Variants in IL18 observed in about 807,000 individuals in gnomAD.
IL18 encodes interleukin-18.
In IL18, 8 loss-of-function variants were observed where a neutral mutation model predicts 14.2. That is an observed-to-expected ratio of 0.56 (90% CI 0.33 to 1.01). The LOEUF (loss-of-function observed/expected upper bound fraction) is 1.01. Ranked by LOEUF, IL18 falls within the 50% of genes least tolerant of loss-of-function variation. The probability of loss-of-function intolerance (pLI) is 0.03; values close to 1 mark genes in which losing one functional copy is unlikely to be tolerated. For missense variants in IL18, 166 were observed against 231.1 expected (o/e 0.72, Z 1.83); for synonymous variants, 67 against 71.0 (o/e 0.94, Z 0.28).
chr11:112,143,602 T>C lies in IL18; in HGVS notation c.576A>G (p.Glu192=). 3 of 1,606,184 alleles carry C rather than the reference T, an allele frequency of 1.9e-6. No individual in the cohort carries two copies. The highest frequency in any genetic ancestry group is 2.6e-6 in the Non-Finnish European group (3 of 1,174,550). ...CGGCATGAAATTTTAATAGCTAGTC[T>C]TCGTTTTGAACAGTGAACATTATAG... ...DRSIMFTVQN[E]D is the part of the protein sequence containing the mutation. Residue 192 remains glutamate (E), a synonymous_variant, in exon 6 of 6, where the codon GAA becomes GAG. Coordinates refer to ENST00000280357, the MANE Select transcript of IL18 (RefSeq NM_001562.4).
chr11:112,159,284 A>G (rs1184396240), intron 1 of IL18, among the ~76,000 whole-genome samples: 2 of 152,148 alleles, frequency 1.3e-5, no homozygotes, highest in East Asian at 3.9e-4. Context: ...CTGTGGTTGC[A>G]GTGAAGTGCT....
At chr11:112,158,099 G>A (rs980268749) in intron 1 of IL18, among the ~76,000 whole-genome samples, 1 of 152,046 alleles carries the variant, frequency 6.6e-6, no homozygotes, top group Non-Finnish European at 1.5e-5. Flanking sequence ...TTCCTGCTTC[G>A]GCCTCCCAAA....
At chr11:112,147,024 G>A (rs543882047) in intron 5 of IL18, among the ~76,000 whole-genome samples, 52 of 148,700 alleles carry the variant, frequency 3.5e-4, no homozygotes, top group Non-Finnish European at 5.2e-4. Context: ...TCTGCCTCCC[G>A]GGTTCAAAAG....
intron 3 of IL18, among the ~76,000 whole-genome samples, chr11:112,151,779 C>T (rs1465168089): frequency 6.6e-6 from 1 of 152,216 alleles, no homozygotes; most frequent in East Asian, 1.9e-4. Context: ...AAATTCAACA[C>T]AACACCTATC....
At chr11:112,152,495 T>C (rs1280308525) in intron 3 of IL18, among the ~76,000 whole-genome samples, 1 of 152,246 alleles carries the variant, frequency 6.6e-6, no homozygotes, top group Non-Finnish European at 1.5e-5. Flanking sequence ...TTCTGAATTT[T>C]AAAGAGTCAT....
At chr11:112,156,305 GC>G (rs1225673369) in intron 1 of IL18, among the ~76,000 whole-genome samples, 1 of 151,960 alleles carries the variant, frequency 6.6e-6, no homozygotes, top group Non-Finnish European at 1.5e-5. Flanking sequence ...TATAATTTTG[GC>G]CTCCCAAAGT....
chr11:112,152,471 T>A (rs563051576), intron 3 of IL18, among the ~76,000 whole-genome samples: 2 of 152,324 alleles, frequency 1.3e-5, no homozygotes, highest in East Asian at 1.9e-4. Context: ...AATGATATTT[T>A]AAAAATATAT....
Position 112,148,106 on chromosome 11 carries a change from A to G in IL18, c.360+497T>C, listed in dbSNP as rs576498250. Among the ~76,000 whole-genome samples, 6 of 152,350 alleles carry G rather than the reference A, an allele frequency of 3.9e-5. No individual in the cohort carries two copies. In the South Asian group the frequency reaches 1.2e-3, roughly 32 times the overall value. ...ATTAAAAATAACATACATCAACTGG[A>G]AGCTGAAGCTTGTGTCTAAGACTTA... On this transcript the variant is annotated intron_variant, in intron 5 of 5. Transcript: ENST00000280357.
Position 112,160,017 on chromosome 11 carries a change from T to C in IL18, c.-9+3889A>G, listed in dbSNP as rs1451496341. On this transcript the variant is annotated intron_variant, in intron 1 of 5. Transcript: ENST00000280357. ...TCCAATGGTAAGAGATCTAATACATTACTTTTCAAAACATGTCCTAGTTAC... is the reference window on the plus strand; with the variant it reads ...TCCAATGGTAAGAGATCTAATACATCACTTTTCAAAACATGTCCTAGTTAC... Among the ~76,000 whole-genome samples, 2 of 152,180 alleles carry C rather than the reference T, an allele frequency of 1.3e-5. 1 individual carries two copies. Among genetic ancestry groups the C allele is most frequent in the Non-Finnish European group, 2.9e-5 (2 of 68,030 alleles).
intron 1 of IL18, among the ~76,000 whole-genome samples, chr11:112,160,969 C>A (rs1866621223): frequency 6.6e-6 from 1 of 152,106 alleles, no homozygotes; most frequent in South Asian, 2.1e-4. Flanking sequence ...TTTTCCTCTT[C>A]CTTTCTCATC....
At chr11:112,146,494 T>C (rs563961684) in intron 5 of IL18, among the ~76,000 whole-genome samples, 1 of 152,144 alleles carries the variant, frequency 6.6e-6, no homozygotes, top group South Asian at 2.1e-4. Flanking sequence ...CTAATTTTTG[T>C]ATTTTTTTTA....
chr11:112,148,327 T>C (rs1022907617), intron 5 of IL18, among the ~76,000 whole-genome samples: 2 of 152,224 alleles, frequency 1.3e-5, no homozygotes, highest in African/African-American at 4.8e-5. Flanking sequence ...GTTCAGGAGA[T>C]GCAGGTCATA....
chr11:112,149,744 G>A (rs927045452), intron 4 of IL18, among the ~76,000 whole-genome samples: 1 of 151,572 alleles, frequency 6.6e-6, no homozygotes, highest in African/African-American at 2.4e-5. Flanking sequence ...ACCACACCTG[G>A]TAAACTATCA....
intron 5 of IL18, among the ~76,000 whole-genome samples, chr11:112,147,087 C>T (rs1425701379): frequency 3.3e-5 from 5 of 151,954 alleles, no homozygotes; most frequent in African/African-American, 7.3e-5. Flanking sequence ...TATGCCACCA[C>T]GCCCAGCTAA....
chr11:112,145,734 G>C (rs895228641), intron 5 of IL18, among the ~76,000 whole-genome samples: 1 of 148,264 alleles, frequency 6.7e-6, no homozygotes, highest in African/African-American at 2.6e-5. Context: ...GCGAGACTCC[G>C]TTTCAAAAAA....
chr11:112,156,223 G>A (rs1866528910), intron 1 of IL18, among the ~76,000 whole-genome samples: 1 of 152,012 alleles, frequency 6.6e-6, no homozygotes, highest in South Asian at 2.1e-4. Flanking sequence ...TTAAAACTCA[G>A]TTTAAAAAAA....
intron 3 of IL18, among the ~76,000 whole-genome samples, chr11:112,151,432 A>G (rs1007672277): frequency 6.6e-6 from 1 of 152,102 alleles, no homozygotes; most frequent in African/African-American, 2.4e-5. Flanking sequence ...TTATATTTTT[A>G]TCTTTCATAT....
chr11:112,161,564 C>T (rs943460525), intron 1 of IL18, among the ~76,000 whole-genome samples: 4 of 152,144 alleles, frequency 2.6e-5, no homozygotes, highest in Non-Finnish European at 5.9e-5. Context: ...TTTGGGAGGC[C>T]GAGGCGGCTG....
intron 5 of IL18, among the ~76,000 whole-genome samples, chr11:112,146,290 G>A (rs1866341672): frequency 6.6e-6 from 1 of 152,066 alleles, no homozygotes; most frequent in Non-Finnish European, 1.5e-5. Flanking sequence ...GTAATCAACA[G>A]TGAAAGGTGA....
Sources: gnomAD v4.1 joint callset for allele counts (sites outside exome capture counted in the v4.1 genomes callset) on GRCh38, gnomAD v4.1.1 for gene constraint, MANE v1.5 for transcripts, NCBI Gene and HGNC (gene_info 2026-07-23, HGNC 2026-07-21) for gene names.